ATP5MC2: variants seen among roughly 807,000 people sequenced by gnomAD.
ATP5MC2 encodes ATP synthase F(0) complex subunit C2, mitochondrial.
A neutral mutation model predicts 13.5 loss-of-function variants in ATP5MC2; 11 were observed. That is an observed-to-expected ratio of 0.81 (90% confidence interval 0.51 to 1.35). ATP5MC2 has a LOEUF of 1.35. Ranked by LOEUF, ATP5MC2 falls within the 40% of genes most tolerant of loss-of-function variation. The pLI is 0.00. For synonymous variants in ATP5MC2, 64 were observed against 69.7 expected (o/e 0.92, Z 0.41); for missense variants, 132 against 175.0 (o/e 0.75, Z 1.39).
chr12:53,672,170 C>T (rs577606682), intron 2 of ATP5MC2, among the ~76,000 whole-genome samples: 15 of 151,042 alleles, frequency 9.9e-5, no homozygotes, highest in Non-Finnish European at 1.8e-4. Context: ...TATCCTGTTA[C>T]GCAATCATAG....
At chr12:53,672,725 A>C (rs1428322247) in intron 1 of ATP5MC2, 80 bp from the exon 2 acceptor site, 2 of 1,339,706 alleles carry the variant, frequency 1.5e-6, no homozygotes, top group African/African-American at 2.9e-5. Context: ...GGCCCTAGAA[A>C]GCTTAACTGG....
chr12:53,672,383 A>T (rs1341442397), intron 2 of ATP5MC2, among the ~76,000 whole-genome samples, 193 bp downstream of exon 2: 1 of 151,972 alleles, frequency 6.6e-6, no homozygotes, highest in Non-Finnish European at 1.5e-5. Flanking sequence ...CACCATGCCC[A>T]ACTGGTTTTC....
upstream of ATP5MC2, among the ~76,000 whole-genome samples, chr12:53,680,672 AT>A (rs1593063420): frequency 6.9e-6 from 1 of 145,848 alleles, no homozygotes; most frequent in African/African-American, 2.6e-5. Flanking sequence ...GCTACAAAAA[AT>A]AAAAACAAAA....
intron 4 of ATP5MC2, among the ~76,000 whole-genome samples, chr12:53,667,984 T>C (rs141886128): frequency 3.1e-5 from 2 of 64,184 alleles, no homozygotes; most frequent in African/African-American, 1.2e-4. Flanking sequence ...TATATATATA[T>C]ATATATATAT....
In ATP5MC2 at chr12:53,669,871, C is replaced by G; in HGVS notation, c.117G>C (p.Glu39Asp). ...VLKRPEILTDESLSSLAVSCP... is the reference protein window; with the variant it reads ...VLKRPEILTDDSLSSLAVSCP... ...CAGTCCCAACTCCACTGTAAGGTAC[C>G]TCATCTGTCAGTATCTCCGGTCGTT... The change falls in exon 3 of 5, where the codon GAG (glutamate) becomes GAC (aspartate). Residue 39 changes from glutamate to aspartate, a missense_variant and splice_region_variant. Physicochemically the swap from Glu to Asp is conservative, Grantham distance 45. Transcript: ENST00000394349. 1 of 1,613,974 alleles carries G rather than the reference C, an allele frequency of 6.2e-7. No individual in the cohort carries two copies. Among genetic ancestry groups the G allele is most frequent in the Non-Finnish European group, 8.5e-7 (1 of 1,179,928 alleles).
chr12:53,676,269 G>T (rs1003840603), upstream of ATP5MC2: 216 of 1,538,844 alleles, frequency 1.4e-4, 2 homozygotes, highest in Non-Finnish European at 3.4e-5. Flanking sequence ...AAACTACAGG[G>T]AGCGCCGACT....
intron 2 of ATP5MC2, among the ~76,000 whole-genome samples, chr12:53,672,042 C>G (rs568894913): frequency 8.4e-5 from 11 of 130,404 alleles, no homozygotes; most frequent in Non-Finnish European, 1.5e-4. Context: ...TGTGGTGGAT[C>G]GCGCCATTGC....
At chr12:53,666,992 G>T (rs1490411297) in intron 4 of ATP5MC2, among the ~76,000 whole-genome samples, 1 of 151,024 alleles carries the variant, frequency 6.6e-6, no homozygotes, top group African/African-American at 2.4e-5. Flanking sequence ...GGGTTTATGA[G>T]TTGAAGTAGT....
At chr12:53,672,098 A>ATAAT (rs2138036773) in intron 2 of ATP5MC2, among the ~76,000 whole-genome samples, 1 of 150,742 alleles carries the variant, frequency 6.6e-6, no homozygotes, top group African/African-American at 2.4e-5. Flanking sequence ...AAAAAAAAAA[A>ATAAT]AAAAAAATTA....
At chr12:53,668,191 A>G (rs1252047052) in intron 4 of ATP5MC2, among the ~76,000 whole-genome samples, 8 of 150,164 alleles carry the variant, frequency 5.3e-5, no homozygotes, top group Admixed American at 2.0e-4. Flanking sequence ...GTTTCACCAT[A>G]TTGACCAGGC....
intron 4 of ATP5MC2, 48 bp from the exon 5 acceptor site, chr12:53,665,476 A>G: frequency 1.4e-6 from 2 of 1,426,914 alleles, no homozygotes; most frequent in Non-Finnish European, 2.0e-6. Context: ...TCACACAAAG[A>G]AAAGGATAAA....
At chr12:53,678,023 A>C (rs796753859), upstream of ATP5MC2, among the ~76,000 whole-genome samples, 3 of 152,278 alleles carry the variant, frequency 2.0e-5, no homozygotes, top group African/African-American at 7.2e-5. Context: ...ACAATCCCAG[A>C]GGAGGATCAG....
chr12:53,669,991 T>G, intron 2 of ATP5MC2, 43 bp from the exon 3 acceptor site: 1 of 1,586,600 alleles, frequency 6.3e-7, no homozygotes, highest in Non-Finnish European at 8.7e-7. Flanking sequence ...CAAGGAAGAC[T>G]GGAGAGGAGT....
chr12:53,674,312 A>G (rs1304688130), intron 1 of ATP5MC2, among the ~76,000 whole-genome samples: 1 of 152,272 alleles, frequency 6.6e-6, no homozygotes, highest in Non-Finnish European at 1.5e-5. Context: ...CCAGTTGTCC[A>G]GTATGGGCAA....
In ATP5MC2 at chr12:53,665,211, C is replaced by G; in HGVS notation, c.*103G>C. The G allele has an allele frequency of 4.9e-6, 4 of 811,710 alleles. No homozygotes were observed. The highest frequency in any genetic ancestry group is 7.9e-6 in the Non-Finnish European group (4 of 506,382). The allele number at this position is 811,710 out of a possible 1,614,324, so 50.3% of individuals were successfully genotyped here. Reference sequence around the variant, plus strand: ...TTTATTTGTCTTTTCTCTGTCAAACCCTGAGCCAACCACGTTCCCCAGGCT... The same window carrying G: ...TTTATTTGTCTTTTCTCTGTCAAACGCTGAGCCAACCACGTTCCCCAGGCT... On this transcript the variant is annotated 3_prime_UTR_variant, in exon 5 of 5. Transcript: ENST00000394349.
intron 1 of ATP5MC2, 130 bp downstream of exon 1, chr12:53,675,923 G>A (rs964016977): frequency 2.2e-6 from 3 of 1,362,622 alleles, no homozygotes; most frequent in Non-Finnish European, 3.0e-6. Flanking sequence ...CTAAGGGATA[G>A]CGGAAGCAAG....
upstream of ATP5MC2, among the ~76,000 whole-genome samples, chr12:53,678,275 G>A (rs986350956): frequency 1.4e-4 from 21 of 152,064 alleles, 1 homozygote; most frequent in Non-Finnish European, 2.9e-4. Flanking sequence ...TACATATGAA[G>A]CTTTTAGCAA....
upstream of ATP5MC2, chr12:53,677,295 G>A (rs916209048): frequency 9.9e-5 from 15 of 152,222 alleles, no homozygotes; most frequent in Non-Finnish European, 2.2e-4. Context: ...GGTCCCGGAG[G>A]AGAGGCGAGC....
Position 53,669,625 on chromosome 12 carries a change from G to C in ATP5MC2, c.117+246C>G, listed in dbSNP as rs908454296. On this transcript the variant is annotated intron_variant, in intron 3 of 4. Transcript: ENST00000394349. ...TAAATGCTTCCAACTGAAGTCAGTA[G>C]ACTAGGCCAAGTAATACCAGTTAGC... 8.5e-5 allele frequency among the ~76,000 whole-genome samples: 13 copies of C among 152,310 alleles called. No homozygotes were observed. In the East Asian group the frequency reaches 2.3e-3, roughly 27 times the overall value.
Sources: allele counts gnomAD v4.1 joint callset (sites outside exome capture counted in the v4.1 genomes callset), GRCh38; gene constraint gnomAD v4.1.1; transcripts MANE v1.5; gene names NCBI Gene and HGNC (gene_info 2026-07-23, HGNC 2026-07-21).